DCC: variants seen among roughly 807,000 people sequenced by gnomAD.
The protein encoded by DCC is netrin receptor DCC.
In DCC, 58 loss-of-function variants were observed where a neutral mutation model predicts 172.5. The ratio of observed to expected loss-of-function variants is 0.34; its 90% CI spans 0.27 to 0.42. The LOEUF (loss-of-function observed/expected upper bound fraction) is 0.42. DCC is among the 10% of genes least tolerant of loss of function. DCC has a pLI of 1.00. For synonymous variants in DCC, 709 were observed against 644.5 expected, an observed-to-expected ratio of 1.10 and a Z score of -1.52; for missense variants, 1,740 against 1,791.0, an observed-to-expected ratio of 0.97 and a Z score of 0.51.
intron 12 of DCC, among the ~76,000 whole-genome samples, chr18:53,304,810 G>A (rs1051009140): frequency 2.6e-5 from 4 of 152,110 alleles, no homozygotes; most frequent in African/African-American, 4.8e-5. Flanking sequence ...TCTTAAAAAC[G>A]TATTTAGTTT....
chr18:52,802,480 A>AT (rs36091981), intron 2 of DCC, among the ~76,000 whole-genome samples: 6,387 of 145,832 alleles, frequency 0.044, 230 homozygotes, highest in South Asian at 0.16. Context: ...ACTCCCAGCA[A>AT]TTTTTTTTTT....
chr18:52,731,394 G>T (rs2036639557), intron 1 of DCC, among the ~76,000 whole-genome samples: 1 of 152,216 alleles, frequency 6.6e-6, no homozygotes, highest in Admixed American at 6.5e-5. Context: ...AAGAGAAAAT[G>T]CTGTTGCAAG....
At chr18:52,795,406 A>G (rs868134758) in intron 2 of DCC, among the ~76,000 whole-genome samples, 19 of 152,076 alleles carry the variant, frequency 1.2e-4, no homozygotes, top group Non-Finnish European at 2.7e-4. Flanking sequence ...TTGTTTGCAT[A>G]GAGTTATTAA....
At chr18:53,212,485 C>G (rs776125699) in intron 11 of DCC, among the ~76,000 whole-genome samples, 1 of 152,014 alleles carries the variant, frequency 6.6e-6, no homozygotes, top group Non-Finnish European at 1.5e-5. Context: ...AGGAACTGAT[C>G]ACTAAAAATA....
chr18:52,667,709 G>C (rs2035480323), intron 1 of DCC, among the ~76,000 whole-genome samples: 1 of 152,214 alleles, frequency 6.6e-6, no homozygotes, highest in African/African-American at 2.4e-5. Flanking sequence ...CTTACCAACT[G>C]CTTCCCCTGG....
chr18:53,301,905 T>C (rs1370149830), intron 12 of DCC, among the ~76,000 whole-genome samples: 1 of 152,198 alleles, frequency 6.6e-6, no homozygotes, highest in Non-Finnish European at 1.5e-5. Flanking sequence ...AGGGCTGCCA[T>C]AATAAATACT....
chr18:53,009,508 A>C (rs2041696128), intron 5 of DCC, among the ~76,000 whole-genome samples: 1 of 151,858 alleles, frequency 6.6e-6, no homozygotes, highest in Non-Finnish European at 1.5e-5. Context: ...CAAAAAAGAG[A>C]GAAAGTGAAG....
intron 1 of DCC, among the ~76,000 whole-genome samples, chr18:52,596,131 G>A (rs1478848303): frequency 3.3e-5 from 5 of 152,158 alleles, no homozygotes; most frequent in Non-Finnish European, 5.9e-5. Context: ...GATCTGGAAG[G>A]TACCAGTCTC....
intron 13 of DCC, among the ~76,000 whole-genome samples, chr18:53,307,035 C>G (rs981213652): frequency 6.6e-6 from 1 of 152,192 alleles, no homozygotes; most frequent in Non-Finnish European, 1.5e-5. Flanking sequence ...AATCATGACT[C>G]ACACACATTA....
intron 1 of DCC, among the ~76,000 whole-genome samples, chr18:52,656,744 C>CT (rs901871723): frequency 2.6e-5 from 4 of 152,128 alleles, no homozygotes; most frequent in East Asian, 3.9e-4. Context: ...CTGTTGTTTT[C>CT]TTTTTTTGTT....
intron 5 of DCC, among the ~76,000 whole-genome samples, chr18:52,958,170 T>G (rs776003273): frequency 6.6e-6 from 1 of 152,178 alleles, no homozygotes; most frequent in Non-Finnish European, 1.5e-5. Context: ...TCTTTCTTTT[T>G]AAATTATAGT....
chr18:52,650,754 C>T (rs2035116481), intron 1 of DCC, among the ~76,000 whole-genome samples: 1 of 152,128 alleles, frequency 6.6e-6, no homozygotes, highest in African/African-American at 2.4e-5. Flanking sequence ...CAGAGTTTTT[C>T]ATGTAGCTGA....
intron 2 of DCC, among the ~76,000 whole-genome samples, chr18:52,797,492 CT>C (rs2037898040): frequency 6.6e-6 from 1 of 152,106 alleles, no homozygotes; most frequent in East Asian, 1.9e-4. Context: ...GCAGTGTAGT[CT>C]TTGTATGACT....
At chr18:52,433,870 G>T (rs1329455049) in intron 1 of DCC, among the ~76,000 whole-genome samples, 1 of 152,098 alleles carries the variant, frequency 6.6e-6, no homozygotes, top group Non-Finnish European at 1.5e-5. Context: ...ATTACATGCA[G>T]AGACTCAAGT....
chr18:53,063,266 C>A, intron 5 of DCC, 39 bp from the exon 6 acceptor site: 1 of 1,608,012 alleles, frequency 6.2e-7, no homozygotes, highest in Non-Finnish European at 8.5e-7. Flanking sequence ...AGTTCACATC[C>A]CCACCCACTC....
chr18:53,518,134 T>C (rs1420795141), intron 27 of DCC, among the ~76,000 whole-genome samples: 1 of 152,168 alleles, frequency 6.6e-6, no homozygotes, highest in Non-Finnish European at 1.5e-5. Flanking sequence ...ATATTCTGGT[T>C]CACAGGGAAA....
At chr18:52,382,162 T>G (rs543482002) in intron 1 of DCC, among the ~76,000 whole-genome samples, 1 of 152,118 alleles carries the variant, frequency 6.6e-6, no homozygotes, top group Admixed American at 6.6e-5. Context: ...TATTCAGAGA[T>G]GTAAAAATGA....
chr18:53,061,136 C>T (rs1438128481), intron 5 of DCC, among the ~76,000 whole-genome samples: 1 of 152,032 alleles, frequency 6.6e-6, no homozygotes, highest in Non-Finnish European at 1.5e-5. Context: ...ATTCTTATCT[C>T]GAGGTTATAG....
intron 15 of DCC, among the ~76,000 whole-genome samples, chr18:53,361,289 T>G (rs1307874627): frequency 6.6e-6 from 1 of 152,148 alleles, no homozygotes; most frequent in Non-Finnish European, 1.5e-5. Context: ...TTGTTTAAGT[T>G]TGTGTATTTG....
Sources: allele counts gnomAD v4.1 joint callset (sites outside exome capture counted in the v4.1 genomes callset), GRCh38; gene constraint gnomAD v4.1.1; transcripts MANE v1.5; gene names NCBI Gene and HGNC (gene_info 2026-07-23, HGNC 2026-07-21).